EYA1: variants seen among roughly 807,000 people sequenced by gnomAD.
The protein encoded by EYA1 is protein phosphatase EYA1.
A neutral mutation model predicts 82.0 loss-of-function variants in EYA1; 16 were observed. The observed-to-expected ratio is 0.20, with a 90% CI of 0.13 to 0.30. The LOEUF (loss-of-function observed/expected upper bound fraction) is 0.30. Ranked by LOEUF, EYA1 falls within the 10% of genes least tolerant of loss-of-function variation. EYA1 has a pLI of 1.00. For synonymous variants in EYA1, 261 were observed against 264.4 expected (o/e 0.99, Z 0.12); for missense variants, 633 against 730.7 (o/e 0.87, Z 1.54).
At chr8:71,249,437 G>C (rs931505128) in intron 11 of EYA1, among the ~76,000 whole-genome samples, 8 of 152,128 alleles carry the variant, frequency 5.3e-5, no homozygotes, top group Non-Finnish European at 1.0e-4. Context: ...GCAAGGAGAA[G>C]TGCAGAGCAA....
At chr8:71,489,418 T>C (rs1282333513) in intron 2 of EYA1, among the ~76,000 whole-genome samples, 1 of 152,204 alleles carries the variant, frequency 6.6e-6, no homozygotes, top group Non-Finnish European at 1.5e-5. Flanking sequence ...TTTTAAAACA[T>C]AAAGAATCAA....
chr8:71,270,293 A>C (rs933222967), intron 10 of EYA1: 1 of 163,244 alleles, frequency 6.1e-6, no homozygotes, highest in Admixed American at 6.0e-5. Context: ...TCCAAAGACT[A>C]AAACCTTACA....
chr8:71,310,491 C>T (rs1267088766), intron 7 of EYA1, among the ~76,000 whole-genome samples: 2 of 152,140 alleles, frequency 1.3e-5, no homozygotes, highest in Non-Finnish European at 2.9e-5. Context: ...TTAGCTCCCA[C>T]TTATAGGTGA....
intron 2 of EYA1, among the ~76,000 whole-genome samples, chr8:71,498,346 T>A (rs193166958): frequency 6.6e-6 from 1 of 152,150 alleles, no homozygotes. Flanking sequence ...TTTTAAAAAA[T>A]AAACCTAAAG....
chr8:71,367,494 G>C (rs1031901459), intron 2 of EYA1, among the ~76,000 whole-genome samples: 1 of 148,170 alleles, frequency 6.7e-6, no homozygotes, highest in African/African-American at 2.5e-5. Context: ...ATAACCTATA[G>C]AATTTTTTTC....
chr8:71,225,088 A>C (rs1271798828), intron 12 of EYA1: 7 of 283,824 alleles, frequency 2.5e-5, no homozygotes, highest in Non-Finnish European at 4.3e-5. Context: ...CCATGTTTTT[A>C]CTTGCGTGTT....
At chr8:71,378,567 C>A (rs1586586781) in intron 2 of EYA1, among the ~76,000 whole-genome samples, 1 of 151,866 alleles carries the variant, frequency 6.6e-6, no homozygotes, top group Non-Finnish European at 1.5e-5. Flanking sequence ...TATACAGTAA[C>A]AAGGTTTTAA....
intron 7 of EYA1, 107 bp downstream of exon 7, chr8:71,317,445 T>A: frequency 8.3e-7 from 1 of 1,208,350 alleles, no homozygotes; most frequent in Non-Finnish European, 1.2e-6. Flanking sequence ...CTAAGCCCAA[T>A]CCAGTTGCCA....
At chr8:71,467,154 T>C (rs1808831902) in intron 2 of EYA1, among the ~76,000 whole-genome samples, 1 of 152,042 alleles carries the variant, frequency 6.6e-6, no homozygotes, top group Admixed American at 6.6e-5. Context: ...AAGAGAATTA[T>C]ACCTATGTTA....
intron 2 of EYA1, among the ~76,000 whole-genome samples, chr8:71,462,798 G>A (rs1378963975): frequency 6.6e-6 from 1 of 152,192 alleles, no homozygotes; most frequent in Non-Finnish European, 1.5e-5. Flanking sequence ...GGGTGGTGCA[G>A]TCAGCTGCCT....
At chr8:71,518,599 A>G (rs188514636) in intron 2 of EYA1, among the ~76,000 whole-genome samples, 1 of 152,314 alleles carries the variant, frequency 6.6e-6, no homozygotes, top group East Asian at 1.9e-4. Flanking sequence ...ACTGGCATAA[A>G]AATTAAAGAT....
chr8:71,423,278 G>A (rs1831244146), intron 2 of EYA1, among the ~76,000 whole-genome samples: 1 of 151,822 alleles, frequency 6.6e-6, no homozygotes, highest in Non-Finnish European at 1.5e-5. Flanking sequence ...AATGGAAACA[G>A]CATACTGTTT....
In EYA1 at chr8:71,485,611, A is replaced by G. The variant is rs550196928; in HGVS notation, c.33+50133T>C. Among the ~76,000 whole-genome samples the G allele has an allele frequency of 7.2e-5, 11 of 152,298 alleles. No homozygotes were observed. In the East Asian group the frequency reaches 2.1e-3, roughly 29 times the overall value. ...GAGTTTACTAGTTTGGGGAGCTACC[A>G]TCCCAAATTCTTACTTACCTCTGGA... is the stretch of plus-strand genomic sequence containing the variant. On this transcript the variant is annotated intron_variant, in intron 2 of 18. Coordinates refer to the EYA1 transcript ENST00000643681.
chr8:71,542,725 G>C (rs557853269), intron 1 of EYA1, among the ~76,000 whole-genome samples: 2 of 152,052 alleles, frequency 1.3e-5, no homozygotes, highest in African/African-American at 4.8e-5. Context: ...ACCAGCATTC[G>C]TTATTTTCTG....
chr8:71,507,165 A>G (rs1006239478), intron 2 of EYA1, among the ~76,000 whole-genome samples: 1 of 152,132 alleles, frequency 6.6e-6, no homozygotes, highest in African/African-American at 2.4e-5. Context: ...AAGCAGCCCT[A>G]TGAGGTGGTT....
intron 2 of EYA1, among the ~76,000 whole-genome samples, chr8:71,439,805 ACT>A (rs1270663992): frequency 2.0e-5 from 3 of 152,142 alleles, no homozygotes; most frequent in Non-Finnish European, 4.4e-5. Flanking sequence ...CAGCAGTCAG[ACT>A]CTCAGCTCCT....
At chr8:71,368,073 C>T (rs569088814) in intron 2 of EYA1, among the ~76,000 whole-genome samples, 1 of 152,268 alleles carries the variant, frequency 6.6e-6, no homozygotes, top group African/African-American at 2.4e-5. Flanking sequence ...GTATCCTCTG[C>T]CTCTTTCAGG....
intron 9 of EYA1, among the ~76,000 whole-genome samples, chr8:71,274,185 T>C (rs952610871): frequency 1.2e-4 from 19 of 152,124 alleles, no homozygotes; most frequent in African/African-American, 4.3e-4. Context: ...CCCTAAAAGA[T>C]AGACAACCTG....
chr8:71,379,881 G>T (rs1399740165), intron 2 of EYA1, among the ~76,000 whole-genome samples: 1 of 152,214 alleles, frequency 6.6e-6, no homozygotes, highest in Non-Finnish European at 1.5e-5. Context: ...GGAGCCAGAT[G>T]TTGGCCTAAT....
Sources: gnomAD v4.1 joint callset for allele counts (sites outside exome capture counted in the v4.1 genomes callset) on GRCh38, gnomAD v4.1.1 for gene constraint, MANE v1.5 for transcripts, NCBI Gene and HGNC (gene_info 2026-07-23, HGNC 2026-07-21) for gene names.